HS3ST4: variants seen among roughly 807,000 people sequenced by gnomAD.
HS3ST4 encodes the protein heparan sulfate-glucosamine 3-sulfotransferase 4.
HS3ST4 carries 17 observed loss-of-function variants against 29.2 expected under a neutral mutation model. The observed-to-expected ratio is 0.58, with a 90% CI of 0.40 to 0.87. The LOEUF (loss-of-function observed/expected upper bound fraction) is 0.87, where lower values mean the gene tolerates loss of function less well. Among genes scored for constraint, HS3ST4 ranks in the 40% least tolerant of loss-of-function variants. The pLI, the probability that HS3ST4 is intolerant of heterozygous loss-of-function variation, is 0.00. For synonymous variants in HS3ST4, 314 were observed against 285.7 expected, an observed-to-expected ratio of 1.10 and a Z score of -1.00; for missense variants, 627 against 634.5, an observed-to-expected ratio of 0.99 and a Z score of 0.13.
intron 1 of HS3ST4, among the ~76,000 whole-genome samples, chr16:25,830,751 C>T (rs1428729370): frequency 1.3e-5 from 2 of 151,850 alleles, no homozygotes; most frequent in African/African-American, 2.4e-5. Context: ...GCTCTATCCC[C>T]AATTGGTCTA....
rs147486806 is a variant in HS3ST4 at position 25,751,788 on chromosome 16, A to G, written c.734+58637A>G. 9.8e-5 allele frequency among the ~76,000 whole-genome samples: 15 copies of G among 152,290 alleles called. No individual in the cohort carries two copies. The East Asian group carries it at 2.7e-3, about 27-fold the overall frequency. ...TGCTATTTGGCTTACACACAGTGGT[A>G]GTATTTGTGGGAAACAAGGGTTAGT... On this transcript the variant is annotated intron_variant, in intron 1 of 1. Coordinates refer to ENST00000331351, the MANE Select transcript of HS3ST4 (RefSeq NM_006040.3).
intron 1 of HS3ST4, 119 bp downstream of exon 1, chr16:25,693,270 G>C (rs1053127340): frequency 8.8e-7 from 1 of 1,132,780 alleles, no homozygotes; most frequent in Non-Finnish European, 1.2e-6. Context: ...AAGCCCCCGC[G>C]AGGGCTCTGC....
chr16:26,084,450 C>T (rs1202981255), intron 1 of HS3ST4, among the ~76,000 whole-genome samples: 1 of 152,170 alleles, frequency 6.6e-6, no homozygotes, highest in Non-Finnish European at 1.5e-5. Context: ...TTTCTGAATG[C>T]AAGTCTCAAA....
chr16:25,832,830 G>T (rs891214478), intron 1 of HS3ST4, among the ~76,000 whole-genome samples: 2 of 151,882 alleles, frequency 1.3e-5, no homozygotes, highest in South Asian at 2.1e-4. Context: ...CATTTATCTT[G>T]TCTGATAGCA....
chr16:25,739,373 AC>A (rs113294514), intron 1 of HS3ST4, among the ~76,000 whole-genome samples: 2,477 of 152,088 alleles, frequency 0.016, 60 homozygotes, highest in African/African-American at 0.055. Context: ...AAACAAATAA[AC>A]GAACAAAAAA....
chr16:25,955,898 T>C (rs1428708079), intron 1 of HS3ST4, among the ~76,000 whole-genome samples: 1 of 150,444 alleles, frequency 6.6e-6, no homozygotes, highest in African/African-American at 2.5e-5. Flanking sequence ...CACTGCAACC[T>C]CCACCTCCTG....
intron 1 of HS3ST4, among the ~76,000 whole-genome samples, chr16:25,699,878 G>A (rs1966323378): frequency 6.6e-6 from 1 of 152,120 alleles, no homozygotes; most frequent in Non-Finnish European, 1.5e-5. Flanking sequence ...ACACGAAATG[G>A]CATTTAAAGT....
intron 1 of HS3ST4, among the ~76,000 whole-genome samples, chr16:25,960,537 T>C (rs927754686): frequency 6.6e-6 from 1 of 152,168 alleles, no homozygotes; most frequent in African/African-American, 2.4e-5. Context: ...GTCCAGAAGA[T>C]GATTAGTTTG....
intron 1 of HS3ST4, among the ~76,000 whole-genome samples, chr16:25,704,622 A>T (rs867057061): frequency 8.6e-5 from 13 of 151,950 alleles, no homozygotes; most frequent in African/African-American, 1.2e-4. Flanking sequence ...GCTAATTTTT[A>T]AAAAAATTGC....
At chr16:25,711,637 TTC>T (rs1966416226) in intron 1 of HS3ST4, among the ~76,000 whole-genome samples, 1 of 152,188 alleles carries the variant, frequency 6.6e-6, no homozygotes, top group Non-Finnish European at 1.5e-5. Context: ...TAGAAAAGTG[TTC>T]TCATGAGTAG....
chr16:25,847,753 T>G (rs1401900738), intron 1 of HS3ST4, among the ~76,000 whole-genome samples: 1 of 152,190 alleles, frequency 6.6e-6, no homozygotes, highest in African/African-American at 2.4e-5. Context: ...ATAGGGTTTG[T>G]CCTCTTTTAA....
chr16:25,914,248 TATGTGTGTGTGC>T (rs1299842640), intron 1 of HS3ST4, among the ~76,000 whole-genome samples: 1 of 144,978 alleles, frequency 6.9e-6, no homozygotes, highest in Non-Finnish European at 1.5e-5. Flanking sequence ...TGATGTGGTA[TATGTGTGTGTGC>T]ATGTGTGGGG....
chr16:25,766,365 A>G (rs1966819185), intron 1 of HS3ST4, among the ~76,000 whole-genome samples: 1 of 152,176 alleles, frequency 6.6e-6, no homozygotes, highest in African/African-American at 2.4e-5. Context: ...ATTTCTACCC[A>G]GGGACAAATG....
intron 1 of HS3ST4, among the ~76,000 whole-genome samples, chr16:25,768,409 CCT>C (rs1165608967): frequency 6.6e-6 from 1 of 152,154 alleles, no homozygotes; most frequent in African/African-American, 2.4e-5. Flanking sequence ...CCTTCCTTTC[CCT>C]CTCTCTGTTT....
At chr16:25,844,199 GTA>G (rs1406150388) in intron 1 of HS3ST4, among the ~76,000 whole-genome samples, 1 of 152,158 alleles carries the variant, frequency 6.6e-6, no homozygotes, top group Non-Finnish European at 1.5e-5. Flanking sequence ...CTCCCTAGAT[GTA>G]TCCATTTTTT....
intron 1 of HS3ST4, among the ~76,000 whole-genome samples, chr16:26,133,060 G>C (rs1899440481): frequency 6.6e-6 from 1 of 152,130 alleles, no homozygotes; most frequent in South Asian, 2.1e-4. Flanking sequence ...GCATGAATTA[G>C]AGTATACTTT....
Position 26,136,668 on chromosome 16 carries a change from C to G in HS3ST4, c.*420C>G, listed in dbSNP as rs1344765411. 1 of 187,178 alleles carries G rather than the reference C, an allele frequency of 5.3e-6. No individual in the cohort carries two copies. The highest frequency in any genetic ancestry group is 2.4e-5 in the African/African-American group (1 of 42,380). 11.6% of individuals were successfully genotyped at this position (187,178 alleles called of 1,614,324 possible). On this transcript the variant is annotated 3_prime_UTR_variant, in exon 2 of 2. Coordinates refer to ENST00000331351, the MANE Select transcript of HS3ST4 (RefSeq NM_006040.3). Reference sequence around the variant, plus strand: ...GTTCTAGCCCTGTATCTGTCATGGGCACCTGCTGTCTAAACCTCTGCTTGG... The same window carrying G: ...GTTCTAGCCCTGTATCTGTCATGGGGACCTGCTGTCTAAACCTCTGCTTGG...
intron 1 of HS3ST4, among the ~76,000 whole-genome samples, chr16:25,805,810 A>G (rs992104759): frequency 2.0e-5 from 3 of 152,156 alleles, no homozygotes; most frequent in African/African-American, 4.8e-5. Flanking sequence ...CCGAAGACCT[A>G]GGTCCAGCTT....
At chr16:25,983,212 C>T (rs1315693636) in intron 1 of HS3ST4, among the ~76,000 whole-genome samples, 1 of 152,174 alleles carries the variant, frequency 6.6e-6, no homozygotes, top group Non-Finnish European at 1.5e-5. Flanking sequence ...GCTCACTTTC[C>T]ACCCCAACCC....
Sources: allele counts gnomAD v4.1 joint callset (sites outside exome capture counted in the v4.1 genomes callset), GRCh38; gene constraint gnomAD v4.1.1; transcripts MANE v1.5; gene names NCBI Gene and HGNC (gene_info 2026-07-23, HGNC 2026-07-21).